Variants in FBXL13 observed in about 807,000 individuals in gnomAD.
FBXL13 encodes the protein F-box and leucine-rich repeat protein 13.
In FBXL13, 67 loss-of-function variants were observed where a neutral mutation model predicts 83.6. The ratio of observed to expected loss-of-function variants is 0.80; its 90% CI spans 0.66 to 0.98. The LOEUF (loss-of-function observed/expected upper bound fraction) is 0.98. Among genes scored for constraint, FBXL13 ranks in the 50% least tolerant of loss-of-function variants. The pLI, the probability that FBXL13 is intolerant of heterozygous loss-of-function variation, is 0.00. For synonymous variants in FBXL13, 272 were observed against 299.5 expected (o/e 0.91, Z 0.95); for missense variants, 822 against 866.5 (o/e 0.95, Z 0.64).
At chr7:102,878,240 G>A in intron 15 of FBXL13, 91 bp downstream of exon 16, 1 of 1,142,960 alleles carries the variant, frequency 8.7e-7, no homozygotes, top group Non-Finnish European at 1.2e-6. Flanking sequence ...TCCCCCAAAT[G>A]TCATGAAATC....
intron 6 of FBXL13, among the ~76,000 whole-genome samples, chr7:103,004,326 G>T (rs1790743038): frequency 6.6e-6 from 1 of 152,134 alleles, no homozygotes; most frequent in Non-Finnish European, 1.5e-5. Context: ...TCAGAGTGTT[G>T]CCCATCATAG....
intron 6 of FBXL13, among the ~76,000 whole-genome samples, chr7:102,970,019 G>A (rs1457753884): frequency 6.6e-6 from 1 of 152,136 alleles, no homozygotes; most frequent in Non-Finnish European, 1.5e-5. Context: ...AGGAGGCTGA[G>A]GTGGGAGGCT....
intron 6 of FBXL13, among the ~76,000 whole-genome samples, chr7:103,000,051 T>C (rs914664714): frequency 6.6e-6 from 1 of 152,206 alleles, no homozygotes; most frequent in Non-Finnish European, 1.5e-5. Flanking sequence ...CTCTTAGCTC[T>C]GATTTTGCTG....
chr7:102,958,815 G>A (rs533454287), intron 8 of FBXL13, among the ~76,000 whole-genome samples: 1 of 151,804 alleles, frequency 6.6e-6, no homozygotes, highest in Non-Finnish European at 1.5e-5. Context: ...ATCCAAAGGC[G>A]GATGTGACCA....
At chr7:102,964,348 T>C (rs1032340875) in intron 7 of FBXL13, among the ~76,000 whole-genome samples, 3 of 150,746 alleles carry the variant, frequency 2.0e-5, no homozygotes, top group Non-Finnish European at 2.9e-5. Context: ...CTAAGGAAAT[T>C]TGGGGGCAAA....
At chr7:102,884,394 A>C in intron 11 of FBXL13, 82 bp from the exon 13 acceptor site, 1 of 970,562 alleles carries the variant, frequency 1.0e-6, no homozygotes. Flanking sequence ...AAGATACACC[A>C]TAATTTTGTT....
intron 8 of FBXL13, among the ~76,000 whole-genome samples, chr7:102,963,247 G>A (rs1825557756): frequency 6.6e-6 from 1 of 151,470 alleles, no homozygotes; most frequent in Non-Finnish European, 1.5e-5. Context: ...TTTGAACCCA[G>A]GAGCCGGAGG....
chr7:102,924,801 C>T (rs1046381587), intron 10 of FBXL13, among the ~76,000 whole-genome samples: 4 of 151,850 alleles, frequency 2.6e-5, no homozygotes, highest in Non-Finnish European at 2.9e-5. Flanking sequence ...CCACCGCACC[C>T]GGCTAATTTT....
rs185665445 is a variant in FBXL13, at chr7:103,006,739, C to T, written c.495+18324G>A. ...CTAGATTTGTAAAGAAGCAGGAAAA[C>T]GTGACAAATAACTAAGAGAGAAACC... On this transcript the variant is annotated intron_variant, in intron 6 of 19. Transcript: ENST00000313221. Among the ~76,000 whole-genome samples the T allele has an allele frequency of 2.3e-3, 346 of 151,666 alleles. 3 individuals are homozygous for T. The highest frequency in any genetic ancestry group is 8.1e-3 in the African/African-American group (333 of 41,356).
intron 1 of FBXL13, among the ~76,000 whole-genome samples, chr7:103,062,054 G>A (rs968755236): frequency 1.7e-5 from 2 of 120,408 alleles, no homozygotes; most frequent in Admixed American, 8.7e-5. Context: ...ACAAACCTTT[G>A]CTTTAAAACC....
intron 6 of FBXL13, among the ~76,000 whole-genome samples, chr7:102,985,004 C>G (rs1172855216): frequency 1.3e-5 from 2 of 152,174 alleles, no homozygotes; most frequent in Non-Finnish European, 2.9e-5. Context: ...TTTGCTAGTT[C>G]TGGCAACCCT....
At chr7:102,898,190 A>ATG (rs74591408) in intron 11 of FBXL13, among the ~76,000 whole-genome samples, 1 of 152,118 alleles carries the variant, frequency 6.6e-6, no homozygotes, top group African/African-American at 2.4e-5. Context: ...ATACATATAT[A>ATG]TGTGTATATA....
chr7:102,909,503 T>G (rs1308553229), intron 11 of FBXL13, among the ~76,000 whole-genome samples: 1 of 152,074 alleles, frequency 6.6e-6, no homozygotes, highest in Non-Finnish European at 1.5e-5. Flanking sequence ...GAGTCTCACC[T>G]GAAGCCTGCA....
chr7:102,871,391 A>AT (rs942731430), intron 16 of FBXL13, among the ~76,000 whole-genome samples: 47 of 147,702 alleles, frequency 3.2e-4, no homozygotes, highest in East Asian at 3.9e-4. Flanking sequence ...AAAAATTTTA[A>AT]TTTTTTTTTT....
chr7:102,929,299 T>C (rs1818702039), intron 9 of FBXL13, among the ~76,000 whole-genome samples: 1 of 152,122 alleles, frequency 6.6e-6, no homozygotes. Flanking sequence ...TATGTAAACA[T>C]AAGTGTAATA....
intron 6 of FBXL13, among the ~76,000 whole-genome samples, chr7:102,971,271 T>C (rs113579040): frequency 6.3e-4 from 96 of 152,306 alleles, no homozygotes; most frequent in Non-Finnish European, 1.2e-3. Context: ...TGAGATACCA[T>C]ATGCAAGTAA....
intron 18 of FBXL13, among the ~76,000 whole-genome samples, chr7:102,828,069 C>G (rs777473199): frequency 2.6e-5 from 4 of 152,106 alleles, no homozygotes; most frequent in Admixed American, 6.5e-5. Context: ...AATGCGGGCT[C>G]TTTTTTGGTT....
At chr7:103,029,697 G>A (rs979548201) in intron 2 of FBXL13, among the ~76,000 whole-genome samples, 1 of 152,002 alleles carries the variant, frequency 6.6e-6, no homozygotes, top group African/African-American at 2.4e-5. Context: ...GCATTGTTAT[G>A]ATAAGCTATA....
chr7:102,973,390 C>G (rs544564432), intron 6 of FBXL13: 1 of 687,750 alleles, frequency 1.5e-6, no homozygotes, highest in Admixed American at 2.1e-5. Flanking sequence ...CCCTGAAGAT[C>G]GAGAAACAGG....
Sources: gnomAD v4.1 joint callset for allele counts (sites outside exome capture counted in the v4.1 genomes callset) on GRCh38, gnomAD v4.1.1 for gene constraint, MANE v1.5 for transcripts, NCBI Gene and HGNC (gene_info 2026-07-23, HGNC 2026-07-21) for gene names.